Variants in PTPRT observed in about 807,000 individuals in gnomAD.
PTPRT encodes the protein receptor-type tyrosine-protein phosphatase T.
PTPRT carries 56 observed loss-of-function variants against 176.8 expected under a neutral mutation model. That is an observed-to-expected ratio of 0.32 (90% CI 0.26 to 0.40). PTPRT has a LOEUF of 0.40. PTPRT is among the 10% of genes least tolerant of loss of function. PTPRT has a pLI of 1.00. For synonymous variants in PTPRT, 783 were observed against 739.0 expected (o/e 1.06, Z -0.96); for missense variants, 1,540 against 1,908.2 (o/e 0.81, Z 3.60).
intron 7 of PTPRT, among the ~76,000 whole-genome samples, chr20:42,658,023 G>A (rs1050461810): frequency 1.2e-4 from 18 of 150,360 alleles, no homozygotes; most frequent in African/African-American, 4.4e-4. Context: ...TAGAGCCAAA[G>A]AACCCAAATG....
At chr20:42,223,009 C>T (rs1056643225) in intron 15 of PTPRT, among the ~76,000 whole-genome samples, 2 of 152,024 alleles carry the variant, frequency 1.3e-5, no homozygotes, top group Non-Finnish European at 1.5e-5. Flanking sequence ...AGCTGGTGTC[C>T]GCTGCTTGAT....
chr20:42,372,583 C>T (rs796744395), intron 9 of PTPRT, among the ~76,000 whole-genome samples: 12 of 152,202 alleles, frequency 7.9e-5, no homozygotes, highest in African/African-American at 2.9e-4. Context: ...CTATGCCAAG[C>T]CAGGGTTTTC....
chr20:42,931,647 G>A (rs1351103827), intron 1 of PTPRT, among the ~76,000 whole-genome samples: 1 of 152,200 alleles, frequency 6.6e-6, no homozygotes, highest in Non-Finnish European at 1.5e-5. Flanking sequence ...AGACAAGAGA[G>A]GGAGCGGGTG....
chr20:42,281,848 G>A (rs575922385), intron 13 of PTPRT, among the ~76,000 whole-genome samples: 3 of 152,236 alleles, frequency 2.0e-5, no homozygotes, highest in Non-Finnish European at 4.4e-5. Context: ...TAGGTTAAAC[G>A]ATAGCAAACC....
intron 1 of PTPRT, among the ~76,000 whole-genome samples, chr20:43,130,784 A>G (rs570428690): frequency 2.9e-4 from 44 of 151,968 alleles, no homozygotes; most frequent in African/African-American, 1.0e-3. Context: ...CGAAAATGTA[A>G]CAAGATTTGG....
At chr20:42,098,654 A>T in intron 26 of PTPRT, 102 bp from the exon 27 acceptor site, 1 of 1,467,040 alleles carries the variant, frequency 6.8e-7, no homozygotes, top group Non-Finnish European at 9.2e-7. Flanking sequence ...GAGCCTGCCA[A>T]ATAGATTATA....
intron 7 of PTPRT, among the ~76,000 whole-genome samples, chr20:42,549,303 A>G (rs2072728079): frequency 2.7e-5 from 4 of 148,498 alleles, no homozygotes; most frequent in East Asian, 1.9e-4. Flanking sequence ...GTACTGATTG[A>G]AAAAAAAAGG....
At chr20:42,070,894 TG>T (rs1243023501), downstream of PTPRT, among the ~76,000 whole-genome samples, 26 of 152,258 alleles carry the variant, frequency 1.7e-4, no homozygotes, top group African/African-American at 5.1e-4. Context: ...GTGGGAGTTA[TG>T]TGAGATTTTT....
intron 2 of PTPRT, among the ~76,000 whole-genome samples, chr20:42,843,119 C>T (rs2078308164): frequency 6.6e-6 from 1 of 152,156 alleles, no homozygotes; most frequent in Non-Finnish European, 1.5e-5. Context: ...ATATTCCCTT[C>T]CAAGGAACTT....
intron 7 of PTPRT, among the ~76,000 whole-genome samples, chr20:42,579,116 T>A (rs1035063888): frequency 2.1e-5 from 3 of 140,462 alleles, no homozygotes; most frequent in South Asian, 2.2e-4. Flanking sequence ...TGTCCATGTG[T>A]TCTCATTGAT....
At chr20:43,149,672 T>C (rs578171654) in intron 1 of PTPRT, among the ~76,000 whole-genome samples, 14 of 152,216 alleles carry the variant, frequency 9.2e-5, no homozygotes, top group Non-Finnish European at 1.9e-4. Context: ...TGAGGTAACA[T>C]GTGTGAAAGG....
intron 1 of PTPRT, among the ~76,000 whole-genome samples, chr20:42,913,002 G>A (rs1163933399): frequency 1.3e-5 from 2 of 152,086 alleles, no homozygotes; most frequent in East Asian, 1.9e-4. Context: ...CTCTTACTAC[G>A]GATGGCCTTG....
chr20:42,479,719 G>A (rs1408426819), intron 7 of PTPRT, among the ~76,000 whole-genome samples: 2 of 152,178 alleles, frequency 1.3e-5, no homozygotes, highest in Non-Finnish European at 2.9e-5. Context: ...GTGCCAGCAT[G>A]ATGCTCAAAG....
intron 1 of PTPRT, among the ~76,000 whole-genome samples, chr20:42,928,048 C>T (rs1015772624): frequency 5.3e-5 from 8 of 152,140 alleles, no homozygotes; most frequent in African/African-American, 1.9e-4. Context: ...GTTGTGAGTA[C>T]AAACTGGGAC....
intron 6 of PTPRT, among the ~76,000 whole-genome samples, chr20:42,707,400 A>G (rs1417385498): frequency 2.0e-5 from 3 of 152,126 alleles, no homozygotes; most frequent in African/African-American, 4.8e-5. Flanking sequence ...TAAGAAAGGG[A>G]GATTATTCTG....
chr20:43,041,970 C>T (rs1245450988), intron 1 of PTPRT, among the ~76,000 whole-genome samples: 1 of 152,178 alleles, frequency 6.6e-6, no homozygotes, highest in Non-Finnish European at 1.5e-5. Context: ...CGAAAGAGAA[C>T]AGATTTTTGC....
At chr20:42,238,411 G>A (rs6102744) in intron 14 of PTPRT, among the ~76,000 whole-genome samples, 1 of 152,140 alleles carries the variant, frequency 6.6e-6, no homozygotes, top group African/African-American at 2.4e-5. Flanking sequence ...ATGATGAGAA[G>A]GTGAAGGACT....
chr20:42,535,928 T>TCTG (rs1276522591), intron 7 of PTPRT, among the ~76,000 whole-genome samples: 2 of 152,130 alleles, frequency 1.3e-5, no homozygotes, highest in African/African-American at 4.8e-5. Flanking sequence ...TCATCCTGAG[T>TCTG]TCAGTGACCT....
chr20:42,844,809 A>G lies in PTPRT; in HGVS notation c.214+40998T>C, dbSNP rs138676186. ...GAGCCCCTGTTTTGGGTCAGACCCC[A>G]TGCTAGGAGATGGGCGTACGGGGAT... On this transcript the variant is annotated intron_variant, in intron 2 of 30. Transcript: ENST00000373187. Among the ~76,000 whole-genome samples, 481 of 152,280 alleles carry G rather than the reference A, an allele frequency of 3.2e-3. 4 individuals are homozygous for G. Among genetic ancestry groups the G allele is most frequent in the African/African-American group, 0.011 (442 of 41,572 alleles).
Sources: allele counts gnomAD v4.1 joint callset (sites outside exome capture counted in the v4.1 genomes callset), GRCh38; gene constraint gnomAD v4.1.1; transcripts MANE v1.5; gene names NCBI Gene and HGNC (gene_info 2026-07-23, HGNC 2026-07-21).